RFC4: variants seen among roughly 807,000 people sequenced by gnomAD.
RFC4 encodes the protein replication factor C subunit 4, also known as A1 37 kDa subunit.
In RFC4, 38 loss-of-function variants were observed where a neutral mutation model predicts 47.6. The observed-to-expected ratio is 0.80, with a 90% CI of 0.62 to 1.05. RFC4 has a LOEUF of 1.05. Among genes scored for constraint, RFC4 ranks in the 50% least tolerant of loss-of-function variants. The probability of loss-of-function intolerance (pLI) is 0.00; values close to 1 mark genes in which losing one functional copy is unlikely to be tolerated. For missense variants in RFC4, 489 were observed against 434.0 expected (o/e 1.13, Z -1.13); for synonymous variants, 164 against 150.0 (o/e 1.09, Z -0.68).
chr3:186,801,989 C>G (rs1482285448), intron 2 of RFC4, among the ~76,000 whole-genome samples: 1 of 147,372 alleles, frequency 6.8e-6, no homozygotes, highest in Non-Finnish European at 1.5e-5. Context: ...TATCATTGCA[C>G]TCCAACCTGG....
At chr3:186,804,979 A>G (rs1722445656) in intron 1 of RFC4, 3 of 332,000 alleles carry the variant, frequency 9.0e-6, no homozygotes, top group Admixed American at 9.3e-5. Context: ...ATCTATTTCT[A>G]GTGCAGGAGT....
intron 1 of RFC4, among the ~76,000 whole-genome samples, chr3:186,805,317 C>T (rs1722454850): frequency 6.6e-6 from 1 of 152,154 alleles, no homozygotes; most frequent in Admixed American, 6.6e-5. Flanking sequence ...ACATCCCAGG[C>T]TCCTGTCATC....
chr3:186,800,112 C>T (rs147840769), intron 3 of RFC4, among the ~76,000 whole-genome samples: 5 of 152,104 alleles, frequency 3.3e-5, no homozygotes, highest in East Asian at 3.9e-4. Flanking sequence ...TGTGCCACCA[C>T]GCCTGGCTAC....
chr3:186,798,092 T>A (rs1354483604), intron 3 of RFC4, among the ~76,000 whole-genome samples: 1 of 152,138 alleles, frequency 6.6e-6, no homozygotes, highest in South Asian at 2.1e-4. Context: ...GGGCTTTGGA[T>A]GAGCAGAAGT....
At chr3:186,800,270 A>C (rs952006240) in intron 3 of RFC4, among the ~76,000 whole-genome samples, 2 of 152,212 alleles carry the variant, frequency 1.3e-5, no homozygotes, top group African/African-American at 4.8e-5. Flanking sequence ...AAGGTATAAG[A>C]GTATGCGAGT....
chr3:186,799,727 A>C (rs1490767484), intron 3 of RFC4, among the ~76,000 whole-genome samples: 2 of 152,038 alleles, frequency 1.3e-5, no homozygotes. Flanking sequence ...ACAAAAAAAA[A>C]CAAAAAAACA....
chr3:186,801,627 C>A (rs952977895), intron 2 of RFC4, among the ~76,000 whole-genome samples: 5 of 148,150 alleles, frequency 3.4e-5, no homozygotes, highest in Admixed American at 2.1e-4. Flanking sequence ...AGGAGAACGG[C>A]ACGAACCTGG....
At chr3:186,791,300 C>A in intron 8 of RFC4, 1 of 207,628 alleles carries the variant, frequency 4.8e-6, no homozygotes, top group Non-Finnish European at 1.0e-5. Context: ...GCCTGGTCAA[C>A]CAACATCGTG....
rs774685220 is a variant in RFC4 at position 186,801,206 on chromosome 3, G to T, written c.132-11C>A. The T allele has an allele frequency of 6.2e-7, 1 of 1,608,868 alleles. No individual in the cohort carries two copies. The highest frequency in any genetic ancestry group is 2.2e-5 in the East Asian group (1 of 44,850). On this transcript the variant is annotated splice_polypyrimidine_tract_variant and intron_variant, in intron 2 of 10. Transcript: ENST00000296273. ...ACACATTTTGGGCGACTTGCGGGGTGAGAAGGAGGAAAGAGGTTATTTAGT... is the reference window on the plus strand; with the variant it reads ...ACACATTTTGGGCGACTTGCGGGGTTAGAAGGAGGAAAGAGGTTATTTAGT...
Position 186,790,255 on chromosome 3 carries a change from C to A in RFC4, c.883G>T (p.Asp295Tyr). ...GCTGCATGACCCTCATCTATTAAAT[C>A]CTATAATAAAAAAAACTTTTGGTAT... ...SFDKLEAVVK[D>Y]LIDEGHAATQ... is the part of the protein sequence containing the mutation. The change falls in exon 10 of 11, where the codon GAT becomes TAT. Residue 295 changes from aspartate (D) to tyrosine (Y), a missense_variant and splice_region_variant. By Grantham distance (160) the Asp-to-Tyr change is radical. This residue lies in a region of RFC4 where 283 missense variants were observed against 176.2 expected (regional missense o/e 1.61). Transcript: ENST00000296273. 1 of 1,612,522 alleles carries A rather than the reference C, an allele frequency of 6.2e-7. No homozygotes were observed. The highest frequency in any genetic ancestry group is 8.5e-7 in the Non-Finnish European group (1 of 1,178,892).
At chr3:186,802,067 A>G (rs1293581233) in intron 2 of RFC4, among the ~76,000 whole-genome samples, 1 of 151,788 alleles carries the variant, frequency 6.6e-6, no homozygotes, top group African/African-American at 2.4e-5. Flanking sequence ...ACCTGCTTAG[A>G]AAGCATTATT....
chr3:186,804,504 T>TA (rs75756787), intron 2 of RFC4, 79 bp downstream of exon 2: 45,734 of 1,178,536 alleles, frequency 0.039, 3 homozygotes, highest in East Asian at 0.055. Context: ...CTCCATAAGT[T>TA]AAAAAAAAAA....
intron 4 of RFC4, 90 bp from the exon 5 acceptor site, chr3:186,794,867 T>G: frequency 7.1e-7 from 1 of 1,408,048 alleles, no homozygotes; most frequent in South Asian, 1.3e-5. Flanking sequence ...ACGTTTAAAA[T>G]CCACCTAGTA....
chr3:186,792,162 T>C (rs940311881), intron 7 of RFC4, among the ~76,000 whole-genome samples: 1 of 152,196 alleles, frequency 6.6e-6, no homozygotes, highest in African/African-American at 2.4e-5. Flanking sequence ...TATGTTTCTA[T>C]CAATTTTAGG....
chr3:186,803,235 C>T (rs1722398403), intron 2 of RFC4, among the ~76,000 whole-genome samples: 2 of 151,686 alleles, frequency 1.3e-5, no homozygotes, highest in Non-Finnish European at 1.5e-5. Context: ...CCCAGCTACT[C>T]GGGAGGCTGA....
chr3:186,790,832 A>G (rs1365555972), intron 8 of RFC4, among the ~76,000 whole-genome samples: 1 of 152,248 alleles, frequency 6.6e-6, no homozygotes, highest in East Asian at 1.9e-4. Context: ...AAAAGTCCAC[A>G]ATATCCAGAA....
At chr3:186,798,649 T>C (rs1279195493) in intron 3 of RFC4, among the ~76,000 whole-genome samples, 6 of 152,132 alleles carry the variant, frequency 3.9e-5, no homozygotes, top group African/African-American at 1.4e-4. Flanking sequence ...TTCTAACAGC[T>C]TGGCACTTTC....
At position 186,790,079 on chromosome 3, in the gene RFC4, T is replaced by G; in HGVS notation, c.997-15A>C. 1.2e-6 allele frequency: 2 copies of G among 1,611,246 alleles called. No individual in the cohort carries two copies. Among genetic ancestry groups the G allele is most frequent in the Non-Finnish European group, 1.7e-6 (2 of 1,177,548 alleles). On this transcript the variant is annotated splice_polypyrimidine_tract_variant and intron_variant, in intron 10 of 10. Transcript: ENST00000296273. ...TTGTCAACTTCCTACGAGAAAAATT[T>G]AAGAAATTAGCATCCTTCAGGTAGT...
chr3:186,792,751 TG>T lies in RFC4; in HGVS notation c.554+52del, dbSNP rs1465315700. On this transcript the variant is annotated intron_variant, in intron 6 of 10. Transcript: ENST00000296273. ...AAATCCTAAATTTCCTTTCCCTAAT[TG>T]GGTTATGAAAATAAGGCTGCCTAGC... is the stretch of plus-strand genomic sequence containing the variant. The T allele has an allele frequency of 7.0e-6, 11 of 1,567,044 alleles. No individual in the cohort carries two copies. In the East Asian group the frequency reaches 2.5e-4, roughly 35 times the overall value.
Sources: gnomAD v4.1 joint callset for allele counts (sites outside exome capture counted in the v4.1 genomes callset) on GRCh38, gnomAD v4.1.1 for gene constraint, gnomAD v4.1.1 regional missense constraint, MANE v1.5 for transcripts, NCBI Gene and HGNC (gene_info 2026-07-23, HGNC 2026-07-21) for gene names.